The following GLT1D1 variants were observed in gnomAD, a reference collection of about 807,000 sequenced individuals.
GLT1D1 encodes the protein glycosyltransferase 1 domain containing 1.
In GLT1D1, 21 loss-of-function variants were observed where a neutral mutation model predicts 28.7. The ratio of observed to expected loss-of-function variants is 0.73; its 90% confidence interval spans 0.52 to 1.05. The LOEUF (loss-of-function observed/expected upper bound fraction) is 1.05. Ranked by LOEUF, GLT1D1 falls within the 50% of genes least tolerant of loss-of-function variation. The pLI, the probability that GLT1D1 is intolerant of heterozygous loss-of-function variation, is 0.00. For missense variants in GLT1D1, 343 were observed against 330.6 expected (o/e 1.04, Z -0.29); for synonymous variants, 147 against 124.8 (o/e 1.18, Z -1.19).
At position 128,950,306 on chromosome 12, in the gene GLT1D1, C is replaced by G. The variant is rs186715969; in HGVS notation, c.540+2848C>G. On this transcript the variant is annotated intron_variant, in intron 6 of 7. Transcript: ENST00000281703. ...CTTATTCCATGATTGAACACTTCAG[C>G]TATCTGAATTGATTCTAATCAATTC... 4.6e-4 allele frequency among the ~76,000 whole-genome samples: 70 copies of G among 152,312 alleles called. 1 individual carries two copies. The highest frequency in any genetic ancestry group is 1.6e-3 in the African/African-American group (68 of 41,570).
chr12:128,856,776 A>G (rs1956236469), intron 1 of GLT1D1, among the ~76,000 whole-genome samples: 1 of 152,044 alleles, frequency 6.6e-6, no homozygotes, highest in African/African-American at 2.4e-5. Flanking sequence ...CAAGAAAACA[A>G]AAAAAGATGG....
chr12:128,860,538 G>A (rs1217555586), intron 1 of GLT1D1, among the ~76,000 whole-genome samples: 3 of 152,204 alleles, frequency 2.0e-5, no homozygotes, highest in African/African-American at 7.2e-5. Context: ...AGAAGTCAGG[G>A]AGCCCTCACC....
chr12:128,968,840 G>T (rs192647065), intron 7 of GLT1D1, among the ~76,000 whole-genome samples: 43 of 152,196 alleles, frequency 2.8e-4, no homozygotes, highest in Admixed American at 6.5e-4. Context: ...GAAGAGCTGG[G>T]TGAGGACTGG....
intron 4 of GLT1D1, among the ~76,000 whole-genome samples, chr12:128,939,067 G>A (rs1029948942): frequency 1.3e-5 from 2 of 152,076 alleles, no homozygotes; most frequent in African/African-American, 2.4e-5. Context: ...TGCACAAGAC[G>A]AGATCATTGC....
At chr12:128,955,026 G>A (rs1206677076) in intron 6 of GLT1D1, among the ~76,000 whole-genome samples, 1 of 152,140 alleles carries the variant, frequency 6.6e-6, no homozygotes, top group Non-Finnish European at 1.5e-5. Context: ...TTTTGAAAGA[G>A]ATTTTATTGT....
chr12:128,875,206 C>A (rs1593066228), intron 1 of GLT1D1, among the ~76,000 whole-genome samples: 1 of 152,048 alleles, frequency 6.6e-6, no homozygotes. Flanking sequence ...TCTTTAGATA[C>A]CACAATTCAG....
At chr12:128,981,893 G>C (rs553167220) in intron 7 of GLT1D1, among the ~76,000 whole-genome samples, 2 of 152,182 alleles carry the variant, frequency 1.3e-5, no homozygotes, top group Admixed American at 6.5e-5. Context: ...TGCCGCTCAC[G>C]TGAAGGGTAG....
chr12:128,942,999 G>A (rs1394816518), intron 4 of GLT1D1, among the ~76,000 whole-genome samples: 1 of 152,002 alleles, frequency 6.6e-6, no homozygotes, highest in Non-Finnish European at 1.5e-5. Context: ...CACCCGCCTC[G>A]GCCTCCCAGA....
chr12:128,920,411 A>T (rs764809545), intron 4 of GLT1D1, among the ~76,000 whole-genome samples: 2 of 152,102 alleles, frequency 1.3e-5, no homozygotes, highest in East Asian at 3.9e-4. Context: ...AAAATTAGCC[A>T]GGTGTGGTAG....
At chr12:128,912,614 G>A (rs949861598) in intron 4 of GLT1D1, among the ~76,000 whole-genome samples, 154 bp downstream of exon 5, 24 of 151,982 alleles carry the variant, frequency 1.6e-4, no homozygotes, top group Admixed American at 1.0e-3. Flanking sequence ...TTATGAAGGA[G>A]ATAATATGAT....
intron 4 of GLT1D1, among the ~76,000 whole-genome samples, chr12:128,939,842 C>CCA (rs1874972084): frequency 6.9e-6 from 1 of 144,722 alleles, no homozygotes; most frequent in Admixed American, 6.8e-5. Context: ...TAGAAACCCC[C>CCA]CCCCACCGCC....
chr12:128,888,470 G>A (rs1381379465), intron 2 of GLT1D1, among the ~76,000 whole-genome samples, 169 bp from the exon 3 acceptor site: 1 of 152,174 alleles, frequency 6.6e-6, no homozygotes, highest in African/African-American at 2.4e-5. Context: ...TGTGTTTATT[G>A]TAGTGATACC....
At chr12:128,881,942 A>G (rs1387437503) in intron 2 of GLT1D1, among the ~76,000 whole-genome samples, 2 of 152,018 alleles carry the variant, frequency 1.3e-5, no homozygotes, top group Non-Finnish European at 1.5e-5. Context: ...AAACAATATC[A>G]TGATGAACAG....
chr12:128,983,214 A>C lies in GLT1D1; in HGVS notation c.*124A>C, dbSNP rs1485718194. 1 of 854,092 alleles carries C rather than the reference A, an allele frequency of 1.2e-6. No homozygotes were observed. Among genetic ancestry groups the C allele is most frequent in the Non-Finnish European group, 1.8e-6 (1 of 543,798 alleles). The allele number at this position is 854,092 out of a possible 1,614,324, so 52.9% of individuals were successfully genotyped here. The stretch of plus-strand genomic sequence containing the variant: ...AAAACCAGCCTCAGCGGAATCCTAG[A>C]AAATGTTAGTCGTGAGTCCCCAGAG... On this transcript the variant is annotated 3_prime_UTR_variant, in exon 8 of 8. Transcript: ENST00000281703. The surrounding 1 kb of genome is among the most constrained non-coding windows in gnomAD (Gnocchi z 4.7).
intron 3 of GLT1D1, among the ~76,000 whole-genome samples, chr12:128,898,770 A>C (rs1179160649): frequency 6.6e-6 from 1 of 152,226 alleles, no homozygotes; most frequent in East Asian, 1.9e-4. Context: ...TCCCTTGTGC[A>C]TTTCCTAAAG....
At chr12:128,929,476 G>GA (rs534474786) in intron 4 of GLT1D1, among the ~76,000 whole-genome samples, 207 of 152,202 alleles carry the variant, frequency 1.4e-3, no homozygotes, top group African/African-American at 4.7e-3. Flanking sequence ...CAGTGTCCCT[G>GA]AAAATCTGAG....
chr12:128,895,919 G>T, intron 3 of GLT1D1, among the ~76,000 whole-genome samples: 1 of 152,144 alleles, frequency 6.6e-6, no homozygotes, highest in Non-Finnish European at 1.5e-5. Context: ...TCGATGAAAC[G>T]GAATGGTATG....
intron 1 of GLT1D1, among the ~76,000 whole-genome samples, chr12:128,864,455 C>T (rs369691526): frequency 1.4e-4 from 22 of 152,080 alleles, no homozygotes; most frequent in African/African-American, 5.1e-4. Flanking sequence ...CTGCTCAAGA[C>T]GCCAAAGGGG....
Position 128,853,550 on chromosome 12 carries a change from G to A in GLT1D1, c.-32G>A. The stretch of plus-strand genomic sequence containing the variant: ...CCCGGGGCCTGGTCGGCGGCGGCGG[G>A]GCCGGTCGATGGCCCGGGCGGCGGC... On this transcript the variant is annotated 5_prime_UTR_variant, in exon 1 of 8. Coordinates refer to ENST00000281703, the MANE Select transcript of GLT1D1 (RefSeq NM_144669.3). 2 of 1,053,900 alleles carry A rather than the reference G, an allele frequency of 1.9e-6. No individual in the cohort carries two copies. The highest frequency in any genetic ancestry group is 2.3e-6 in the Non-Finnish European group (2 of 878,706). The allele number at this position is 1,053,900 out of a possible 1,614,324, so 65.3% of individuals were successfully genotyped here. A position where few individuals can be genotyped will look rare whatever the true frequency, so the allele number is the denominator to read the frequency against.
Sources: allele counts gnomAD v4.1 joint callset (sites outside exome capture counted in the v4.1 genomes callset), GRCh38; gene constraint gnomAD v4.1.1; non-coding constraint Gnocchi (gnomAD v3.1); transcripts MANE v1.5; gene names NCBI Gene and HGNC (gene_info 2026-07-23, HGNC 2026-07-21).